The following KMT2C variants were observed in gnomAD, a reference collection of about 807,000 sequenced individuals.
The protein encoded by KMT2C is lysine methyltransferase 2C, also known as histone-lysine N-methyltransferase 2C.
In KMT2C, 88 loss-of-function variants were observed where a neutral mutation model predicts 507.9. That is an observed-to-expected ratio of 0.17 (90% confidence interval 0.15 to 0.21). The LOEUF (loss-of-function observed/expected upper bound fraction) is 0.21. Ranked by LOEUF, KMT2C falls within the 10% of genes least tolerant of loss-of-function variation. The probability of loss-of-function intolerance (pLI) is 1.00; values close to 1 mark genes in which losing one functional copy is unlikely to be tolerated. For missense variants in KMT2C, 4,954 were observed against 5,957.8 expected (o/e 0.83, Z 5.55); for synonymous variants, 2,049 against 2,080.8 (o/e 0.98, Z 0.42).
At chr7:152,305,033 G>T (rs548460211) in intron 6 of KMT2C, among the ~76,000 whole-genome samples, 6 of 152,230 alleles carry the variant, frequency 3.9e-5, no homozygotes, top group Admixed American at 1.3e-4. Flanking sequence ...TAGCCATATT[G>T]ATAACCTCCA....
At chr7:152,370,729 C>G (rs1257283159) in intron 1 of KMT2C, among the ~76,000 whole-genome samples, 2 of 152,216 alleles carry the variant, frequency 1.3e-5, no homozygotes, top group Non-Finnish European at 2.9e-5. Flanking sequence ...TCAATGTAAT[C>G]TACCATGTTA....
At chr7:152,290,059 C>CA (rs79615696) in intron 6 of KMT2C, among the ~76,000 whole-genome samples, 4 of 131,430 alleles carry the variant, frequency 3.0e-5, no homozygotes, top group South Asian at 2.6e-4. Flanking sequence ...CAAAACAAAA[C>CA]AAACAAACAA....
Position 152,180,899 on chromosome 7 carries a change from C to T in KMT2C, c.6961G>A (p.Asp2321Asn), listed in dbSNP as rs770514608. The T allele has an allele frequency of 6.2e-7, 1 of 1,614,168 alleles. No individual in the cohort carries two copies. Among genetic ancestry groups the T allele is most frequent in the South Asian group, 1.1e-5 (1 of 91,076 alleles). ...DSFGTSQTAHDVADQPRPGSE... is the reference protein window; with the variant it reads ...DSFGTSQTAHNVADQPRPGSE... ...CCAGGCCTTGGCTGATCAGCAACAT[C>T]ATGGGCAGTTTGACTTGTTCCAAAA... The change falls in exon 36 of 59, where the codon GAT becomes AAT. Residue 2321 changes from aspartate to asparagine, a missense_variant. By Grantham distance (23) the Asp-to-Asn change is conservative (BLOSUM62 1). This residue lies in a region of KMT2C where 1,689 missense variants were observed against 1,654.3 expected (regional missense o/e 1.02). Coordinates refer to ENST00000262189, the MANE Select transcript of KMT2C (RefSeq NM_170606.3).
At chr7:152,209,005 C>A (rs1356656659) in intron 23 of KMT2C, among the ~76,000 whole-genome samples, 1 of 151,248 alleles carries the variant, frequency 6.6e-6, no homozygotes, top group Non-Finnish European at 1.5e-5. Flanking sequence ...ACTAAAAATA[C>A]AAAATTATCT....
intron 5 of KMT2C, among the ~76,000 whole-genome samples, chr7:152,311,561 A>C (rs952843774): frequency 1.3e-5 from 2 of 152,194 alleles, no homozygotes; most frequent in African/African-American, 4.8e-5. Context: ...CGCTATCTAC[A>C]CAAGAAAAAA....
chr7:152,228,874 A>C (rs1270184467), intron 18 of KMT2C, among the ~76,000 whole-genome samples: 1 of 152,194 alleles, frequency 6.6e-6, no homozygotes, highest in African/African-American at 2.4e-5. Flanking sequence ...ATGAGCAACT[A>C]ATTTTAAAAG....
chr7:152,321,185 G>T (rs970200886), intron 3 of KMT2C, among the ~76,000 whole-genome samples: 1 of 151,956 alleles, frequency 6.6e-6, no homozygotes, highest in Non-Finnish European at 1.5e-5. Context: ...AGTGAGCCAA[G>T]ATCGCACCAT....
chr7:152,314,573 A>T (rs1459638376), intron 4 of KMT2C, among the ~76,000 whole-genome samples: 9 of 151,178 alleles, frequency 6.0e-5, no homozygotes, highest in Admixed American at 5.9e-4. Flanking sequence ...TCTGGGAGGG[A>T]AGGCAGGGGA....
intron 1 of KMT2C, among the ~76,000 whole-genome samples, chr7:152,364,125 GA>G (rs1275304447): frequency 6.6e-6 from 1 of 152,050 alleles, no homozygotes; most frequent in Non-Finnish European, 1.5e-5. Flanking sequence ...GACTCTGTAT[GA>G]AAAAAATAAA....
chr7:152,273,838 G>C lies in KMT2C; in HGVS notation c.879C>G (p.Ala293=). 2 of 1,613,882 alleles carry C rather than the reference G, an allele frequency of 1.2e-6. No individual in the cohort carries two copies. The highest frequency in any genetic ancestry group is 1.7e-6 in the Non-Finnish European group (2 of 1,179,802). ...ATTTCTCTTCACAGCATTTGATAGT[G>C]GCTCCAAGGTGCTTACAAAATGCAC... ...ERCAFCKHLG[A]TIKCCEEKCT... Residue 293 remains alanine (A), a synonymous_variant, in exon 7 of 59, where the codon GCC becomes GCG. Transcript: ENST00000262189.
intron 1 of KMT2C, among the ~76,000 whole-genome samples, chr7:152,429,338 C>A (rs1373275371): frequency 6.6e-6 from 1 of 152,110 alleles, no homozygotes; most frequent in Non-Finnish European, 1.5e-5. Context: ...ACTGCCATCA[C>A]AAAATTAACA....
intron 9 of KMT2C, among the ~76,000 whole-genome samples, chr7:152,257,243 G>A (rs1169079961): frequency 1.3e-5 from 2 of 151,976 alleles, no homozygotes; most frequent in African/African-American, 4.8e-5. Context: ...TTTATTACAC[G>A]AAAAAAGCAA....
chr7:152,395,799 C>T (rs1007872556), intron 1 of KMT2C, among the ~76,000 whole-genome samples: 1 of 152,120 alleles, frequency 6.6e-6, no homozygotes, highest in Admixed American at 6.6e-5. Flanking sequence ...AAGTTTTATA[C>T]CTAAATATTA....
chr7:152,184,354 T>G (rs997702598), intron 34 of KMT2C, among the ~76,000 whole-genome samples: 1 of 152,136 alleles, frequency 6.6e-6, no homozygotes, highest in Non-Finnish European at 1.5e-5. Flanking sequence ...ATATATATTT[T>G]CCAACAATAA....
intron 46 of KMT2C, 52 bp from the exon 47 acceptor site, chr7:152,154,497 C>T: frequency 2.7e-6 from 4 of 1,506,564 alleles, no homozygotes; most frequent in Non-Finnish European, 2.7e-6. Flanking sequence ...CCACTGGGGG[C>T]TTCCTGTACC....
intron 7 of KMT2C, among the ~76,000 whole-genome samples, chr7:152,272,807 T>TAA (rs2096002278): frequency 6.6e-6 from 1 of 152,170 alleles, no homozygotes; most frequent in African/African-American, 2.4e-5. Context: ...TAACTGTATT[T>TAA]GAGATTAGTT....
At chr7:152,388,836 C>T (rs1270407371) in intron 1 of KMT2C, among the ~76,000 whole-genome samples, 1 of 152,274 alleles carries the variant, frequency 6.6e-6, no homozygotes, top group East Asian at 1.9e-4. Flanking sequence ...GCAATCTCTG[C>T]CTCCCGGGTT....
At position 152,315,245 on chromosome 7, in the gene KMT2C, C is replaced by T. The variant is rs2096711864; in HGVS notation, c.483G>A (p.Leu161=). 1.2e-6 allele frequency: 2 copies of T among 1,613,892 alleles called. No individual in the cohort carries two copies. Among genetic ancestry groups the T allele is most frequent in the South Asian group, 1.1e-5 (1 of 91,080 alleles). The change falls in exon 4 of 59, where the codon TTG becomes TTA. Residue 161 remains leucine, a synonymous_variant. Coordinates refer to ENST00000262189, the MANE Select transcript of KMT2C (RefSeq NM_170606.3). ...KQFRITPGFI[L]PWRNQPSNKK... ...TGTTAGAAGGTTGGTTTCTCCATGGCAAGATAAATCCAGGCGTTATTCTGA... is the reference window on the plus strand; with the variant it reads ...TGTTAGAAGGTTGGTTTCTCCATGGTAAGATAAATCCAGGCGTTATTCTGA...
chr7:152,411,274 AC>A (rs1178576371), intron 1 of KMT2C, among the ~76,000 whole-genome samples: 1 of 152,098 alleles, frequency 6.6e-6, no homozygotes, highest in Non-Finnish European at 1.5e-5. Context: ...CAGATATAAT[AC>A]CACTTGATAA....
Sources: gnomAD v4.1 joint callset for allele counts (sites outside exome capture counted in the v4.1 genomes callset) on GRCh38, gnomAD v4.1.1 for gene constraint, gnomAD v4.1.1 regional missense constraint, MANE v1.5 for transcripts, NCBI Gene and HGNC (gene_info 2026-07-23, HGNC 2026-07-21) for gene names.